Variants in SAFB2 observed in about 807,000 individuals in gnomAD.
The protein encoded by SAFB2 is scaffold attachment factor B2.
In SAFB2, 32 loss-of-function variants were observed where a neutral mutation model predicts 100.6. The ratio of observed to expected loss-of-function variants is 0.32; its 90% confidence interval spans 0.24 to 0.43. The LOEUF (loss-of-function observed/expected upper bound fraction) is 0.43. SAFB2 is among the 20% of genes least tolerant of loss of function. SAFB2 has a pLI of 1.00. For synonymous variants in SAFB2, 500 were observed against 439.4 expected (o/e 1.14, Z -1.72); for missense variants, 1,185 against 1,163.4 (o/e 1.02, Z -0.27).
chr19:5,619,330 G>A (rs1196423732), intron 2 of SAFB2, among the ~76,000 whole-genome samples: 1 of 152,132 alleles, frequency 6.6e-6, no homozygotes, highest in Non-Finnish European at 1.5e-5. Flanking sequence ...AAAAGGAATG[G>A]GAAGGGATCA....
intron 12 of SAFB2, among the ~76,000 whole-genome samples, chr19:5,599,736 CTG>C (rs1183710019): frequency 6.6e-6 from 1 of 150,640 alleles, no homozygotes; most frequent in Non-Finnish European, 1.5e-5. Context: ...TCATTTTTCT[CTG>C]TGTTTTTACT....
chr19:5,616,427 C>T lies in SAFB2; in HGVS notation c.334G>A (p.Gly112Arg), dbSNP rs781167966. Residue 112 changes from glycine to arginine, a missense_variant, in exon 3 of 21, where the codon GGG becomes AGG. Gly to Arg is a moderately radical substitution (Grantham distance 125). Coordinates refer to ENST00000252542, the MANE Select transcript of SAFB2 (RefSeq NM_014649.3). ...TCTACCCTGACATCACTTACCTGCC[C>T]GTCTCTGGAATCGTCTTCCAGGCCA... is the stretch of plus-strand genomic sequence containing the variant. ...DNGLEDDSRD[G>R]QEDMEASLEN... 2.4e-5 allele frequency: 38 copies of T among 1,613,856 alleles called. No individual in the cohort carries two copies. Among genetic ancestry groups the T allele is most frequent in the South Asian group, 4.4e-5 (4 of 91,064 alleles).
chr19:5,590,649 A>T (rs2052376733), intron 17 of SAFB2, among the ~76,000 whole-genome samples: 3 of 152,114 alleles, frequency 2.0e-5, no homozygotes, highest in Admixed American at 2.0e-4. Flanking sequence ...GAGCCAGGGC[A>T]CCCTGGCATT....
intron 4 of SAFB2, among the ~76,000 whole-genome samples, chr19:5,615,274 GA>G (rs1398224156): frequency 6.6e-6 from 1 of 152,218 alleles, no homozygotes; most frequent in African/African-American, 2.4e-5. Context: ...AGAATTGCTT[GA>G]ATCAGGGAGG....
intron 8 of SAFB2, chr19:5,610,432 T>G: frequency 1.6e-6 from 1 of 606,754 alleles, no homozygotes; most frequent in East Asian, 2.8e-5. Flanking sequence ...CTTTTCACCA[T>G]CCCATAGATG....
Position 5,587,107 on chromosome 19 carries a change from A to G in SAFB2, c.*136T>C. The G allele has an allele frequency of 5.1e-6, 5 of 984,274 alleles. No individual in the cohort carries two copies. Among genetic ancestry groups the G allele is most frequent in the Non-Finnish European group, 2.9e-6 (2 of 680,592 alleles). The allele number at this position is 984,274 out of a possible 1,614,324, so 61.0% of individuals were successfully genotyped here. A position where few individuals can be genotyped will look rare whatever the true frequency, so the allele number is the denominator to read the frequency against. On this transcript the variant is annotated 3_prime_UTR_variant, in exon 21 of 21. Coordinates refer to ENST00000252542, the MANE Select transcript of SAFB2 (RefSeq NM_014649.3). The surrounding 1 kb of genome is among the most constrained non-coding windows in gnomAD (Gnocchi z 4.9). ...TTTATTTAAAAAAAAAAAAAAAGTG[A>G]GTTCACATTGTATTGAGCTACAACA...
intron 12 of SAFB2, among the ~76,000 whole-genome samples, chr19:5,599,140 C>G (rs739941): frequency 6.6e-6 from 1 of 152,108 alleles, no homozygotes; most frequent in Admixed American, 6.6e-5. Context: ...ACCTGCAGCA[C>G]GCACACAAGC....
chr19:5,594,034 C>A lies in SAFB2; in HGVS notation c.2064G>T (p.Glu688Asp), dbSNP rs773634946. 6.4e-7 allele frequency: 1 copy of A among 1,572,678 alleles called. No individual in the cohort carries two copies. Among genetic ancestry groups the A allele is most frequent in the African/African-American group, 1.3e-5 (1 of 74,270 alleles). The change falls in exon 15 of 21, where the codon GAG becomes GAT. Residue 688 changes from glutamate to aspartate, a missense_variant. Glu to Asp is a conservative substitution (Grantham distance 45, BLOSUM62 2). Coordinates refer to ENST00000252542, the MANE Select transcript of SAFB2 (RefSeq NM_014649.3). ...ERERMERERL[E>D]RERMRVERER... ...CACGCTCCACGCGCATGCGCTCGCGCTCCAGCCGCTCCCGCTCCATGCGCT... is the reference window on the plus strand; with the variant it reads ...CACGCTCCACGCGCATGCGCTCGCGATCCAGCCGCTCCCGCTCCATGCGCT...
intron 9 of SAFB2, 50 bp from the exon 10 acceptor site, chr19:5,604,986 T>C: frequency 6.3e-7 from 1 of 1,585,764 alleles, no homozygotes; most frequent in Non-Finnish European, 8.6e-7. Flanking sequence ...ACCACACAAC[T>C]TGCTAAAGTT....
rs1455163775 is a variant in SAFB2, at chr19:5,587,650, G to A, written c.2705+51C>T. 1.3e-6 allele frequency: 2 copies of A among 1,500,816 alleles called. No individual in the cohort carries two copies. Among genetic ancestry groups the A allele is most frequent in the Non-Finnish European group, 1.8e-6 (2 of 1,119,158 alleles). The allele number at this position is 1,500,816 out of a possible 1,614,324, so 93.0% of individuals were successfully genotyped here. A position where few individuals can be genotyped will look rare whatever the true frequency, so the allele number is the denominator to read the frequency against. On this transcript the variant is annotated intron_variant, in intron 20 of 20. Coordinates refer to ENST00000252542, the MANE Select transcript of SAFB2 (RefSeq NM_014649.3). The surrounding 1 kb of genome is among the most constrained non-coding windows in gnomAD (Gnocchi z 4.9). ...GATCAAACATGCAAAAAAGGGAGAG[G>A]AAGTGAGGAGCAGGAGTGAACCACC...
chr19:5,597,192 C>T (rs1368202794), intron 13 of SAFB2, among the ~76,000 whole-genome samples: 2 of 152,296 alleles, frequency 1.3e-5, no homozygotes, highest in East Asian at 1.9e-4. Flanking sequence ...CACTTACTAG[C>T]GACCTGGCAG....
chr19:5,593,951 T>C lies in SAFB2; in HGVS notation c.2147A>G (p.Gln716Arg). 1 of 1,556,010 alleles carries C rather than the reference T, an allele frequency of 6.4e-7. No homozygotes were observed. Among genetic ancestry groups the C allele is most frequent in the Non-Finnish European group, 8.6e-7 (1 of 1,159,240 alleles). The part of the protein sequence containing the change: ...HREREELRRQ[Q>R]EQLRYEQERR... ...CTCCTGCTCGTAACGCAGCTGCTCCTGCTGGCGCCGCAGCTCCTCGCGCTC... is the reference window on the plus strand; with the variant it reads ...CTCCTGCTCGTAACGCAGCTGCTCCCGCTGGCGCCGCAGCTCCTCGCGCTC... Residue 716 changes from glutamine (Q) to arginine (R), a missense_variant, in exon 15 of 21, where the codon CAG becomes CGG. By Grantham distance (43) the Gln-to-Arg change is conservative. Around this residue, in one of 3 missense-constraint regions of SAFB2, gnomAD observed 740 missense variants for 687.1 expected, o/e 1.08. Transcript: ENST00000252542.
intron 13 of SAFB2, 114 bp from the exon 14 acceptor site, chr19:5,595,611 G>T: frequency 7.7e-7 from 1 of 1,297,784 alleles, no homozygotes; most frequent in Non-Finnish European, 1.0e-6. Flanking sequence ...TGGTGTAGAT[G>T]GAAGGCTGTG....
chr19:5,607,598 T>C (rs1295152426), intron 9 of SAFB2, among the ~76,000 whole-genome samples: 1 of 151,750 alleles, frequency 6.6e-6, no homozygotes, highest in Non-Finnish European at 1.5e-5. Flanking sequence ...GGCAGATAAA[T>C]GGGAAAAAGA....
intron 10 of SAFB2, 45 bp from the exon 11 acceptor site, chr19:5,604,740 A>G (rs781714723): frequency 6.2e-7 from 1 of 1,613,992 alleles, no homozygotes; most frequent in Non-Finnish European, 8.5e-7. Flanking sequence ...AGAGCTTCTC[A>G]CTTGCAAACT....
Position 5,595,429 on chromosome 19 carries a change from G to A in SAFB2, c.1851C>T (p.Ile617=), listed in dbSNP as rs2052516021. The A allele has an allele frequency of 3.7e-6, 6 of 1,613,704 alleles. No individual in the cohort carries two copies. Among genetic ancestry groups the A allele is most frequent in the Non-Finnish European group, 5.1e-6 (6 of 1,179,936 alleles). The change falls in exon 14 of 21, where the codon ATC becomes ATT. Residue 617 remains isoleucine, a synonymous_variant. Transcript: ENST00000252542. ...EKRDILSFDK[I]KEQRERERQR... ...GGCGCTCTCTCTCCCTTTGTTCTTT[G>A]ATTTTATCAAACGACAAGATGTCTC...
At position 5,616,225 on chromosome 19, in the gene SAFB2, A is replaced by G; in HGVS notation, c.450T>C (p.Asp150=). 7 of 1,614,124 alleles carry G rather than the reference A, an allele frequency of 4.3e-6. No homozygotes were observed. The South Asian group carries it at 6.6e-5, about 15-fold the overall frequency. Residue 150 remains aspartate, a synonymous_variant, in exon 4 of 21, where the codon GAT becomes GAC. Transcript: ENST00000252542. ...AGGAATCGAGAAGGCCGTCCGTGCC[A>G]TCCTCCCCAAAATCTGGAGCACTGC... is the stretch of plus-strand genomic sequence containing the variant. ...ANSSAPDFGE[D]GTDGLLDSFC...
chr19:5,616,606 C>T (rs988517569), intron 2 of SAFB2, 120 bp from the exon 3 acceptor site: 1 of 841,180 alleles, frequency 1.2e-6, no homozygotes, highest in African/African-American at 1.7e-5. Context: ...TAAGTCTCCC[C>T]TCTCCTGTCA....
chr19:5,613,608 G>A lies in SAFB2; in HGVS notation c.544-81C>T, dbSNP rs913645240. The A allele has an allele frequency of 4.5e-6, 7 of 1,565,582 alleles. No individual in the cohort carries two copies. In the South Asian group the frequency reaches 4.7e-5, roughly 10 times the overall value. The stretch of plus-strand genomic sequence containing the variant: ...CTGACACCTCGCTTAGGCAACTTGT[G>A]TGTCTATTTCCCTCACGGCACCTTT... On this transcript the variant is annotated intron_variant, in intron 4 of 20. Transcript: ENST00000252542.
Sources: gnomAD v4.1 joint callset for allele counts (sites outside exome capture counted in the v4.1 genomes callset) on GRCh38, gnomAD v4.1.1 for gene constraint, gnomAD v4.1.1 regional missense constraint, Gnocchi (gnomAD v3.1) non-coding constraint, MANE v1.5 for transcripts, NCBI Gene and HGNC (gene_info 2026-07-23, HGNC 2026-07-21) for gene names.